The following TMEM123 variants were observed in gnomAD, a reference collection of about 807,000 sequenced individuals.
TMEM123 encodes the protein porimin.
In TMEM123, 16 loss-of-function variants were observed where a neutral mutation model predicts 19.7. The ratio of observed to expected loss-of-function variants is 0.81; its 90% CI spans 0.55 to 1.23. The LOEUF (loss-of-function observed/expected upper bound fraction) is 1.23. Ranked by LOEUF, TMEM123 falls within the 50% of genes most tolerant of loss-of-function variation. TMEM123 has a pLI of 0.00. For synonymous variants in TMEM123, 118 were observed against 99.4 expected (o/e 1.19, Z -1.12); for missense variants, 313 against 257.8 (o/e 1.21, Z -1.47).
At chr11:102,430,129 G>T (rs1857680452) in intron 2 of TMEM123, among the ~76,000 whole-genome samples, 1 of 152,212 alleles carries the variant, frequency 6.6e-6, no homozygotes, top group Non-Finnish European at 1.5e-5. Context: ...GAACAGAGTT[G>T]CCCGGGACCA....
At chr11:102,399,298 A>G (rs1951889168) in intron 4 of TMEM123, among the ~76,000 whole-genome samples, 1 of 152,138 alleles carries the variant, frequency 6.6e-6, no homozygotes, top group Non-Finnish European at 1.5e-5. Flanking sequence ...TTTAAAAATT[A>G]GCCTGGTGTG....
At chr11:102,447,289 T>C (rs917342390) in intron 2 of TMEM123, among the ~76,000 whole-genome samples, 12 of 152,200 alleles carry the variant, frequency 7.9e-5, no homozygotes, top group African/African-American at 2.9e-4. Flanking sequence ...GTTTTAAAAG[T>C]AAGGCCACAC....
chr11:102,428,239 A>G (rs1952146229), intron 2 of TMEM123, among the ~76,000 whole-genome samples: 1 of 152,210 alleles, frequency 6.6e-6, no homozygotes, highest in South Asian at 2.1e-4. Context: ...TATCCTGAAT[A>G]TATTATTACG....
chr11:102,404,422 T>TACA (rs1313909901), intron 2 of TMEM123, among the ~76,000 whole-genome samples: 1 of 152,004 alleles, frequency 6.6e-6, no homozygotes, highest in African/African-American at 2.4e-5. Context: ...TAGCTGGGAT[T>TACA]ACAGGCACAT....
Position 102,418,856 on chromosome 11 carries a change from C to G in TMEM123, c.158-16650G>C, listed in dbSNP as rs190795531. On this transcript the variant is annotated intron_variant, in intron 2 of 4. Transcript: ENST00000398136. The stretch of plus-strand genomic sequence containing the variant: ...AAAAGGAATGAAATCACATCCTTTG[C>G]AGCAACACGGATGCAGCTGGAAGGC... 3.3e-3 allele frequency among the ~76,000 whole-genome samples: 501 copies of G among 152,280 alleles called. 3 individuals are homozygous for G. The highest frequency in any genetic ancestry group is 0.012 in the African/African-American group (479 of 41,546).
At chr11:102,446,668 A>T (rs1490348633) in intron 2 of TMEM123, among the ~76,000 whole-genome samples, 1 of 152,234 alleles carries the variant, frequency 6.6e-6, no homozygotes, top group Non-Finnish European at 1.5e-5. Context: ...GTTAGGATGA[A>T]TAAATCATAG....
Position 102,420,858 on chromosome 11 carries a change from G to A in TMEM123, c.158-18652C>T, listed in dbSNP as rs571013275. On this transcript the variant is annotated intron_variant, in intron 2 of 4. Coordinates refer to ENST00000398136, the MANE Select transcript of TMEM123 (RefSeq NM_052932.3). ...AGGTCAGGAGTTCAAAACCAGCCTG[G>A]CCAACATGGTGAAACCCTGTCTCTG... Among the ~76,000 whole-genome samples the A allele has an allele frequency of 2.6e-5, 4 of 152,280 alleles. No individual in the cohort carries two copies. In the East Asian group the frequency reaches 5.8e-4, roughly 22 times the overall value.
At chr11:102,400,325 A>C (rs1266097641) in intron 4 of TMEM123, among the ~76,000 whole-genome samples, 2 of 152,240 alleles carry the variant, frequency 1.3e-5, no homozygotes, top group African/African-American at 4.8e-5. Flanking sequence ...AAAATTTGGG[A>C]AACAGTTCAT....
intron 2 of TMEM123, among the ~76,000 whole-genome samples, chr11:102,424,947 A>C (rs1317753175): frequency 6.6e-6 from 1 of 152,226 alleles, no homozygotes; most frequent in Admixed American, 6.5e-5. Context: ...AAAGACAAAA[A>C]TATGTTTTTA....
At chr11:102,452,322 C>CT in intron 1 of TMEM123, 1 of 412,152 alleles carries the variant, frequency 2.4e-6, no homozygotes, top group East Asian at 3.6e-5. Flanking sequence ...CAGGCAATTT[C>CT]CTCAGCAGGC....
chr11:102,450,514 G>A (rs1194325056), intron 1 of TMEM123, among the ~76,000 whole-genome samples: 1 of 152,172 alleles, frequency 6.6e-6, no homozygotes, highest in Non-Finnish European at 1.5e-5. Context: ...AAGCTATGCA[G>A]CTGACTGTGA....
At chr11:102,406,527 A>G (rs1951956549) in intron 2 of TMEM123, among the ~76,000 whole-genome samples, 1 of 152,162 alleles carries the variant, frequency 6.6e-6, no homozygotes, top group African/African-American at 2.4e-5. Context: ...CTTGTTTCCC[A>G]TGGACCAAAT....
chr11:102,422,272 GA>G (rs1452518081), intron 2 of TMEM123, among the ~76,000 whole-genome samples: 1 of 152,166 alleles, frequency 6.6e-6, no homozygotes, highest in Non-Finnish European at 1.5e-5. Flanking sequence ...TCAGGAGTTT[GA>G]GATCAGCCTG....
intron 2 of TMEM123, among the ~76,000 whole-genome samples, chr11:102,425,079 A>G (rs1952115289): frequency 1.3e-5 from 2 of 152,252 alleles, no homozygotes; most frequent in African/African-American, 4.8e-5. Flanking sequence ...TATGTGTCTA[A>G]TATCTGTCAA....
chr11:102,408,878 G>T (rs754578348), intron 2 of TMEM123, among the ~76,000 whole-genome samples: 1 of 152,178 alleles, frequency 6.6e-6, no homozygotes, highest in Non-Finnish European at 1.5e-5. Flanking sequence ...CCACCATATT[G>T]CAACAAGGCC....
intron 2 of TMEM123, among the ~76,000 whole-genome samples, chr11:102,418,587 G>A (rs1266488480): frequency 6.6e-6 from 1 of 152,228 alleles, no homozygotes; most frequent in African/African-American, 2.4e-5. Flanking sequence ...TTCAGCCACT[G>A]TGGAAAGCAG....
intron 1 of TMEM123, among the ~76,000 whole-genome samples, chr11:102,449,654 G>A (rs916102882): frequency 6.6e-6 from 1 of 152,010 alleles, no homozygotes; most frequent in African/African-American, 2.4e-5. Context: ...CTTCTTGATG[G>A]GACTATCATC....
At chr11:102,434,099 T>C (rs572725187) in intron 2 of TMEM123, among the ~76,000 whole-genome samples, 1 of 152,088 alleles carries the variant, frequency 6.6e-6, no homozygotes, top group Admixed American at 6.6e-5. Flanking sequence ...GTCTTTTGTA[T>C]AAATACCCAG....
At chr11:102,425,786 T>C (rs1050594592) in intron 2 of TMEM123, among the ~76,000 whole-genome samples, 1 of 151,950 alleles carries the variant, frequency 6.6e-6, no homozygotes, top group Non-Finnish European at 1.5e-5. Flanking sequence ...TTTCCCCATG[T>C]TGTGCAGGCT....
Sources: allele counts gnomAD v4.1 joint callset (sites outside exome capture counted in the v4.1 genomes callset), GRCh38; gene constraint gnomAD v4.1.1; transcripts MANE v1.5; gene names NCBI Gene and HGNC (gene_info 2026-07-23, HGNC 2026-07-21).